The following ALK variants were observed in gnomAD, a reference collection of about 807,000 sequenced individuals.
ALK encodes ALK receptor tyrosine kinase, also known as ALK tyrosine kinase receptor.
A neutral mutation model predicts 163.1 loss-of-function variants in ALK; 74 were observed. That is an observed-to-expected ratio of 0.45 (90% CI 0.38 to 0.55). The LOEUF (loss-of-function observed/expected upper bound fraction) is 0.55, where lower values mean the gene tolerates loss of function less well. ALK is among the 20% of genes least tolerant of loss of function. The pLI, the probability that ALK is intolerant of heterozygous loss-of-function variation, is 0.00. For missense variants in ALK, 2,063 were observed against 2,105.3 expected (o/e 0.98, Z 0.39); for synonymous variants, 960 against 843.2 (o/e 1.14, Z -2.40).
At chr2:29,739,056 G>A (rs1052229052) in intron 1 of ALK, among the ~76,000 whole-genome samples, 1 of 151,592 alleles carries the variant, frequency 6.6e-6, no homozygotes, top group Non-Finnish European at 1.5e-5. Context: ...GGGCAACATA[G>A]TGAGACCCTG....
At chr2:29,204,161 T>C (rs1191272236) in intron 26 of ALK, among the ~76,000 whole-genome samples, 2 of 152,216 alleles carry the variant, frequency 1.3e-5, no homozygotes, top group African/African-American at 4.8e-5. Context: ...GGAGTTCTCC[T>C]ATACCTCACA....
Position 29,827,391 on chromosome 2 carries a change from C to T in ALK, c.667+92602G>A, listed in dbSNP as rs530578417. 6.4e-4 allele frequency among the ~76,000 whole-genome samples: 97 copies of T among 152,338 alleles called. 1 individual carries two copies. Among genetic ancestry groups the T allele is most frequent in the African/African-American group, 2.2e-3 (91 of 41,568 alleles). On this transcript the variant is annotated intron_variant, in intron 1 of 28. Transcript: ENST00000389048. Reference sequence around the variant, plus strand: ...CCAACAACACTTGCTTCCTGTGGCTCACTGTCATGATGTGATGTCCTCTAA... The same window carrying T: ...CCAACAACACTTGCTTCCTGTGGCTTACTGTCATGATGTGATGTCCTCTAA...
intron 1 of ALK, among the ~76,000 whole-genome samples, chr2:29,874,787 G>A (rs1666662727): frequency 6.6e-6 from 1 of 152,106 alleles, no homozygotes; most frequent in Non-Finnish European, 1.5e-5. Context: ...GACATTGGAG[G>A]CACAGATACA....
chr2:29,749,576 C>T (rs1680297711), intron 1 of ALK, among the ~76,000 whole-genome samples: 2 of 152,246 alleles, frequency 1.3e-5, no homozygotes, highest in African/African-American at 4.8e-5. Context: ...CAGGCCCAAA[C>T]CCAAGGAAAG....
At chr2:29,717,233 G>GAACCAGAA (rs1378037007) in intron 2 of ALK, among the ~76,000 whole-genome samples, 1 of 150,174 alleles carries the variant, frequency 6.7e-6, no homozygotes, top group African/African-American at 2.4e-5. Flanking sequence ...CTGTGGGTTA[G>GAACCAGAA]AACCAGAAAG....
chr2:29,217,761 C>T (rs1294095045), intron 23 of ALK, among the ~76,000 whole-genome samples: 2 of 152,148 alleles, frequency 1.3e-5, no homozygotes, highest in African/African-American at 4.8e-5. Flanking sequence ...CATCAGGGAA[C>T]CCCTGGGAGT....
At position 29,318,404 on chromosome 2, in the gene ALK, T is replaced by C. The variant is rs761724656; in HGVS notation, c.1547A>G (p.Asp516Gly). The C allele has an allele frequency of 2.2e-5, 35 of 1,608,782 alleles. No individual in the cohort carries two copies. Among genetic ancestry groups the C allele is most frequent in the African/African-American group, 4.0e-5 (3 of 74,772 alleles). Reference sequence around the variant, plus strand: ...AGTGGTACTGAGCAATAGAGCATGGTCTAGGAGAGAGGAAAAGAATCACAA... The same window carrying C: ...AGTGGTACTGAGCAATAGAGCATGGCCTAGGAGAGAGGAAAAGAATCACAA... ...LKDARFQDHQ[D>G]HALLLSTTDV... Residue 516 changes from aspartate (D) to glycine (G), a missense_variant and splice_region_variant, in exon 8 of 29, where the codon GAC becomes GGC. Around this residue, in one of 5 missense-constraint regions of ALK, gnomAD observed 987 missense variants for 939.5 expected, o/e 1.05. Transcript: ENST00000389048.
Position 29,424,952 on chromosome 2 carries a change from A to G in ALK, c.1155-41093T>C, listed in dbSNP as rs145291254. 3.9e-3 allele frequency among the ~76,000 whole-genome samples: 589 copies of G among 152,306 alleles called. 4 individuals carry two copies. Among genetic ancestry groups the G allele is most frequent in the African/African-American group, 0.014 (565 of 41,568 alleles). ...AGAGTAAATGTAGGCAGAAATTATT[A>G]TTTGAATACAGACCCTATTCTAAAG... On this transcript the variant is annotated intron_variant, in intron 4 of 28. Coordinates refer to ENST00000389048, the MANE Select transcript of ALK (RefSeq NM_004304.5).
chr2:29,230,460 G>A (rs1252467742), intron 15 of ALK, among the ~76,000 whole-genome samples: 1 of 152,146 alleles, frequency 6.6e-6, no homozygotes, highest in African/African-American at 2.4e-5. Context: ...AGAAACAGCA[G>A]TGTGTGTGTC....
At chr2:29,244,804 C>T (rs1664615076) in intron 12 of ALK, among the ~76,000 whole-genome samples, 1 of 152,264 alleles carries the variant, frequency 6.6e-6, no homozygotes, top group Non-Finnish European at 1.5e-5. Context: ...ATTACTTTGG[C>T]AATTAATCAT....
chr2:29,416,000 T>A (rs1669866963), intron 4 of ALK, among the ~76,000 whole-genome samples: 1 of 152,228 alleles, frequency 6.6e-6, no homozygotes, highest in South Asian at 2.1e-4. Context: ...CCCCTGGATC[T>A]CTGGCCTTCA....
At chr2:29,353,864 A>T (rs1012088832) in intron 5 of ALK, among the ~76,000 whole-genome samples, 1 of 152,204 alleles carries the variant, frequency 6.6e-6, no homozygotes, top group African/African-American at 2.4e-5. Flanking sequence ...TGAATTCTTC[A>T]TGGACATCCC....
intron 14 of ALK, among the ~76,000 whole-genome samples, 189 bp downstream of exon 14, chr2:29,233,376 C>T (rs567124476): frequency 1.4e-4 from 22 of 152,240 alleles, no homozygotes; most frequent in Non-Finnish European, 2.4e-4. Context: ...GAATTCCTGA[C>T]CTCAAGTGAT....
At chr2:29,717,871 G>A (rs1679309331) in intron 1 of ALK, among the ~76,000 whole-genome samples, 174 bp from the exon 2 acceptor site, 1 of 152,190 alleles carries the variant, frequency 6.6e-6, no homozygotes, top group African/African-American at 2.4e-5. Flanking sequence ...GGACCCTGAT[G>A]TACATTTTCT....
At chr2:29,222,168 G>A (rs1407441725) in intron 22 of ALK, among the ~76,000 whole-genome samples, 176 bp downstream of exon 22, 1 of 152,190 alleles carries the variant, frequency 6.6e-6, no homozygotes, top group Non-Finnish European at 1.5e-5. Flanking sequence ...CAACCATCAA[G>A]GGTTGTTCCA....
At chr2:29,850,983 C>T (rs1278554459) in intron 1 of ALK, among the ~76,000 whole-genome samples, 1 of 152,218 alleles carries the variant, frequency 6.6e-6, no homozygotes, top group East Asian at 1.9e-4. Context: ...GTCCTCTCAC[C>T]CAGCTTCTCA....
At chr2:29,783,993 C>G (rs552266071) in intron 1 of ALK, among the ~76,000 whole-genome samples, 4 of 152,180 alleles carry the variant, frequency 2.6e-5, no homozygotes, top group African/African-American at 9.6e-5. Context: ...GCTACTTCAG[C>G]TTTGAAATGT....
At chr2:29,198,132 G>C (rs1669070179) in intron 26 of ALK, among the ~76,000 whole-genome samples, 1 of 151,800 alleles carries the variant, frequency 6.6e-6, no homozygotes, top group South Asian at 2.1e-4. Flanking sequence ...GAACATCTTT[G>C]TGCATTTTTT....
chr2:29,586,987 T>A (rs181980938), intron 3 of ALK, among the ~76,000 whole-genome samples: 1 of 152,274 alleles, frequency 6.6e-6, no homozygotes, highest in Admixed American at 6.5e-5. Flanking sequence ...TCTAGTAGGA[T>A]GAGGTGGGTG....
Sources: allele counts gnomAD v4.1 joint callset (sites outside exome capture counted in the v4.1 genomes callset), GRCh38; gene constraint gnomAD v4.1.1; regional missense constraint gnomAD v4.1.1; transcripts MANE v1.5; gene names NCBI Gene and HGNC (gene_info 2026-07-23, HGNC 2026-07-21).